RFX3: variants seen among roughly 807,000 people sequenced by gnomAD.
RFX3 encodes the protein transcription factor RFX3.
Under a neutral mutation model 98.6 loss-of-function variants are expected in RFX3, and 14 were observed. The observed-to-expected ratio is 0.14, with a 90% CI of 0.09 to 0.22. RFX3 has a LOEUF of 0.22. Among genes scored for constraint, RFX3 ranks in the 10% least tolerant of loss-of-function variants. RFX3 has a pLI of 1.00. For synonymous variants in RFX3, 383 were observed against 328.4 expected (o/e 1.17, Z -1.80); for missense variants, 639 against 926.9 (o/e 0.69, Z 4.03).
intron 15 of RFX3, among the ~76,000 whole-genome samples, chr9:3,234,147 T>G (rs1186349314): frequency 6.6e-6 from 1 of 152,120 alleles, no homozygotes; most frequent in Non-Finnish European, 1.5e-5. Context: ...AAAACAAAAC[T>G]GATACCAGCA....
chr9:3,229,455 A>G (rs1400737213), intron 15 of RFX3, among the ~76,000 whole-genome samples: 1 of 152,254 alleles, frequency 6.6e-6, no homozygotes, highest in Non-Finnish European at 1.5e-5. Flanking sequence ...CACTTTAAAA[A>G]GAAAAGCATC....
At chr9:3,332,795 T>A (rs1361968690) in intron 3 of RFX3, among the ~76,000 whole-genome samples, 1 of 152,158 alleles carries the variant, frequency 6.6e-6, no homozygotes, top group African/African-American at 2.4e-5. Flanking sequence ...CAAAGTGCCA[T>A]TTTCTCTTGC....
intron 3 of RFX3, among the ~76,000 whole-genome samples, chr9:3,333,452 T>C (rs532691951): frequency 1.5e-4 from 23 of 151,496 alleles, no homozygotes; most frequent in African/African-American, 5.1e-4. Context: ...TTTTTTTTTT[T>C]CCAGATAGAA....
At chr9:3,521,324 T>C (rs1002326058) in intron 1 of RFX3, among the ~76,000 whole-genome samples, 2 of 152,160 alleles carry the variant, frequency 1.3e-5, no homozygotes, top group Non-Finnish European at 2.9e-5. Flanking sequence ...TGCGGTAATA[T>C]GTATTAGTAC....
chr9:3,415,064 AT>A (rs1842855668), intron 1 of RFX3, among the ~76,000 whole-genome samples: 1 of 89,478 alleles, frequency 1.1e-5, no homozygotes, highest in Middle Eastern at 5.7e-3. Context: ...ATATACTCAT[AT>A]ATAAGTATAT....
rs7041836 is a variant in RFX3 at position 3,384,080 on chromosome 9, A to T, written c.117+11392T>A. Among the ~76,000 whole-genome samples, 4 of 152,198 alleles carry T rather than the reference A, an allele frequency of 2.6e-5. No homozygotes were observed. The East Asian group carries it at 7.7e-4, about 29-fold the overall frequency. On this transcript the variant is annotated intron_variant, in intron 2 of 16. Transcript: ENST00000617270. The stretch of plus-strand genomic sequence containing the variant: ...TATCCAGGAGAAAAGATGATTCTCA[A>T]ACTGTGTTCCATAAATCCCTAGAGG...
intron 1 of RFX3, among the ~76,000 whole-genome samples, chr9:3,406,811 C>A (rs1842015527): frequency 6.6e-6 from 1 of 152,036 alleles, no homozygotes; most frequent in Non-Finnish European, 1.5e-5. Flanking sequence ...ATTTCTATTA[C>A]AATGGAATTT....
At chr9:3,435,926 T>C (rs1845085615) in intron 1 of RFX3, among the ~76,000 whole-genome samples, 1 of 151,596 alleles carries the variant, frequency 6.6e-6, no homozygotes, top group Non-Finnish European at 1.5e-5. Context: ...GAGTGAATCA[T>C]CTGCTCCCAG....
intron 6 of RFX3, among the ~76,000 whole-genome samples, chr9:3,289,901 G>T (rs960820261): frequency 1.3e-5 from 2 of 152,002 alleles, no homozygotes; most frequent in African/African-American, 4.8e-5. Flanking sequence ...TTATTTTATT[G>T]ATAGATAATA....
At position 3,374,002 on chromosome 9, in the gene RFX3, C is replaced by T. The variant is rs971853855; in HGVS notation, c.117+21470G>A. Among the ~76,000 whole-genome samples the T allele has an allele frequency of 3.6e-4, 54 of 151,932 alleles. 1 individual carries two copies. Among genetic ancestry groups the T allele is most frequent in the East Asian group, 3.9e-4 (2 of 5,166 alleles). The stretch of plus-strand genomic sequence containing the variant: ...CTGAAGCAGAAGAATCGCTTGAACC[C>T]GAGAGGCAGAGGTTGCAGTGAGTCG... On this transcript the variant is annotated intron_variant, in intron 2 of 16. Transcript: ENST00000617270.
chr9:3,274,138 T>C (rs1824893678), intron 9 of RFX3, among the ~76,000 whole-genome samples: 1 of 152,202 alleles, frequency 6.6e-6, no homozygotes, highest in East Asian at 1.9e-4. Context: ...TGAAGAACAC[T>C]TCTGGCACAT....
chr9:3,273,724 G>A (rs1824814372), intron 9 of RFX3, among the ~76,000 whole-genome samples: 1 of 151,948 alleles, frequency 6.6e-6, no homozygotes, highest in Non-Finnish European at 1.5e-5. Flanking sequence ...AGTTAGTGGG[G>A]CGTGGTGGTG....
At chr9:3,263,859 G>C (rs1215089423) in intron 12 of RFX3, among the ~76,000 whole-genome samples, 1 of 152,158 alleles carries the variant, frequency 6.6e-6, no homozygotes, top group African/African-American at 2.4e-5. Flanking sequence ...AGGATGGGAA[G>C]AAAGAGCGGT....
intron 1 of RFX3, among the ~76,000 whole-genome samples, chr9:3,453,188 C>T (rs1296517104): frequency 1.3e-5 from 2 of 151,998 alleles, no homozygotes; most frequent in Admixed American, 1.3e-4. Flanking sequence ...TAGACGAGAT[C>T]TGATTAATCA....
At chr9:3,453,183 G>A (rs1355203526) in intron 1 of RFX3, among the ~76,000 whole-genome samples, 2 of 151,882 alleles carry the variant, frequency 1.3e-5, no homozygotes, top group South Asian at 2.1e-4. Context: ...GTCTGTAGAC[G>A]AGATCTGATT....
At chr9:3,271,199 T>G in intron 9 of RFX3, 81 bp from the exon 10 acceptor site, 1 of 1,214,784 alleles carries the variant, frequency 8.2e-7, no homozygotes, top group Non-Finnish European at 1.2e-6. Flanking sequence ...TGACAAGATT[T>G]TATATGGTCA....
At chr9:3,426,966 G>A (rs1193338380) in intron 1 of RFX3, among the ~76,000 whole-genome samples, 1 of 151,824 alleles carries the variant, frequency 6.6e-6, no homozygotes, top group Non-Finnish European at 1.5e-5. Flanking sequence ...AAAAGGTTGG[G>A]GACCACTGGT....
At position 3,265,606 on chromosome 9, in the gene RFX3, C is replaced by A. The variant is rs75711262; in HGVS notation, c.1455+602G>T. 9.9e-3 allele frequency among the ~76,000 whole-genome samples: 1,511 copies of A among 152,266 alleles called. 34 individuals carry two copies. The highest frequency in any genetic ancestry group is 0.034 in the African/African-American group (1,409 of 41,560). Reference sequence around the variant, plus strand: ...ATGTTCACAGATTAACTGGAAGCAGCATGGCTAGTAGGAGACAAAGTAGAG... The same window carrying A: ...ATGTTCACAGATTAACTGGAAGCAGAATGGCTAGTAGGAGACAAAGTAGAG... On this transcript the variant is annotated intron_variant, in intron 12 of 16. Coordinates refer to ENST00000617270, the MANE Select transcript of RFX3 (RefSeq NM_001282116.2).
chr9:3,263,815 G>C (rs931085560), intron 12 of RFX3, among the ~76,000 whole-genome samples: 3 of 152,134 alleles, frequency 2.0e-5, no homozygotes, highest in Non-Finnish European at 4.4e-5. Flanking sequence ...TTCCACCTGG[G>C]TTTGACCAAT....
Sources: allele counts gnomAD v4.1 joint callset (sites outside exome capture counted in the v4.1 genomes callset), GRCh38; gene constraint gnomAD v4.1.1; transcripts MANE v1.5; gene names NCBI Gene and HGNC (gene_info 2026-07-23, HGNC 2026-07-21).